The following CTNNA3 variants were observed in gnomAD, a reference collection of about 807,000 sequenced individuals.
The protein encoded by CTNNA3 is catenin alpha-3.
CTNNA3 carries 76 observed loss-of-function variants against 95.7 expected under a neutral mutation model. The ratio of observed to expected loss-of-function variants is 0.79; its 90% CI spans 0.66 to 0.96. CTNNA3 has a LOEUF of 0.96. Among genes scored for constraint, CTNNA3 ranks in the 40% least tolerant of loss-of-function variants. The pLI, the probability that CTNNA3 is intolerant of heterozygous loss-of-function variation, is 0.00. For synonymous variants in CTNNA3, 431 were observed against 374.4 expected, an observed-to-expected ratio of 1.15 and a Z score of -1.74; for missense variants, 1,191 against 1,089.8, an observed-to-expected ratio of 1.09 and a Z score of -1.31.
At chr10:67,160,724 C>G (rs969429176) in intron 7 of CTNNA3, among the ~76,000 whole-genome samples, 2 of 152,146 alleles carry the variant, frequency 1.3e-5, no homozygotes, top group Non-Finnish European at 2.9e-5. Flanking sequence ...GTGTGAGCCA[C>G]TGTGCTCGGC....
intron 3 of CTNNA3, among the ~76,000 whole-genome samples, chr10:67,580,236 G>C (rs2133315903): frequency 6.6e-6 from 1 of 152,280 alleles, no homozygotes; most frequent in African/African-American, 2.4e-5. Context: ...TTTTGTATAA[G>C]GTGTAAGGAA....
At chr10:66,973,565 A>G (rs1044630618) in intron 7 of CTNNA3, among the ~76,000 whole-genome samples, 3 of 152,230 alleles carry the variant, frequency 2.0e-5, no homozygotes, top group African/African-American at 7.2e-5. Context: ...TTAGCAATAT[A>G]TAATTTATTT....
intron 1 of CTNNA3, among the ~76,000 whole-genome samples, chr10:67,662,066 A>G (rs1840205967): frequency 2.0e-5 from 3 of 152,198 alleles, no homozygotes; most frequent in African/African-American, 7.2e-5. Context: ...ACTTATGTCC[A>G]TATAGATACC....
chr10:66,853,406 T>C (rs780331087), intron 7 of CTNNA3, among the ~76,000 whole-genome samples: 1 of 152,126 alleles, frequency 6.6e-6, no homozygotes, highest in Non-Finnish European at 1.5e-5. Context: ...AATTAGTCAA[T>C]TGGAACATTC....
At chr10:67,002,053 A>G (rs1221382462) in intron 7 of CTNNA3, among the ~76,000 whole-genome samples, 2 of 152,176 alleles carry the variant, frequency 1.3e-5, no homozygotes, top group Non-Finnish European at 2.9e-5. Flanking sequence ...GACCATACTC[A>G]AGCTTTATTA....
chr10:67,668,832 CTTTTTTTTTTTT>C lies in CTNNA3; in HGVS notation c.-5-21326_-5-21315del, dbSNP rs869150567. 6.7e-5 allele frequency among the ~76,000 whole-genome samples: 6 copies of C among 90,088 alleles called. No homozygotes were observed. The South Asian group carries it at 1.2e-3, about 18-fold the overall frequency. The allele number at this position is 90,088 out of a possible 152,430, so 59.1% of individuals were successfully genotyped here. A position where few individuals can be genotyped will look rare whatever the true frequency, so the allele number is the denominator to read the frequency against. ...CACAGATAAGGGGCCTACTGTGTTT[CTTTTTTTTTTTT>C]TTTTTTTTTTTTGAGACGGAGTCTC... On this transcript the variant is annotated intron_variant, in intron 1 of 17. Transcript: ENST00000433211.
At chr10:67,343,862 C>T (rs1842308332) in intron 5 of CTNNA3, among the ~76,000 whole-genome samples, 1 of 150,438 alleles carries the variant, frequency 6.6e-6, no homozygotes, top group Non-Finnish European at 1.5e-5. Context: ...ATTTTTTCTC[C>T]ATTCTATATG....
chr10:66,546,922 G>A (rs1192549086), intron 10 of CTNNA3, among the ~76,000 whole-genome samples: 2 of 152,112 alleles, frequency 1.3e-5, no homozygotes, highest in Non-Finnish European at 2.9e-5. Context: ...CTTTGTTTCT[G>A]TCAGAGTAGA....
chr10:66,095,443 T>C (rs2081354744), intron 14 of CTNNA3, among the ~76,000 whole-genome samples: 1 of 152,142 alleles, frequency 6.6e-6, no homozygotes, highest in South Asian at 2.1e-4. Flanking sequence ...TTTTTTATAA[T>C]AAGCCAAATT....
intron 11 of CTNNA3, among the ~76,000 whole-genome samples, chr10:66,488,279 G>A (rs1839807757): frequency 1.3e-5 from 2 of 152,078 alleles, no homozygotes; most frequent in East Asian, 3.9e-4. Context: ...TTAGCGATAA[G>A]AACCTAGAAA....
intron 12 of CTNNA3, among the ~76,000 whole-genome samples, chr10:66,284,708 C>T (rs2091555130): frequency 6.6e-6 from 1 of 151,750 alleles, no homozygotes; most frequent in Non-Finnish European, 1.5e-5. Context: ...ATGATATCAC[C>T]AAATTGTTTT....
intron 7 of CTNNA3, among the ~76,000 whole-genome samples, chr10:67,058,434 C>T (rs908602753): frequency 1.3e-4 from 20 of 152,184 alleles, no homozygotes; most frequent in African/African-American, 4.6e-4. Context: ...TAAATCACTA[C>T]TTTAAAACAA....
rs529843918 is a variant in CTNNA3, at chr10:66,090,789, G to A, written c.1977+12368C>T. On this transcript the variant is annotated intron_variant, in intron 14 of 17. Coordinates refer to ENST00000433211, the MANE Select transcript of CTNNA3 (RefSeq NM_013266.4). ...CTGTTCATATTTACATGGGATTTTA[G>A]CCAAGCTTTAGATGTTTAGAGTGCT... is the stretch of plus-strand genomic sequence containing the variant. Among the ~76,000 whole-genome samples the A allele has an allele frequency of 7.2e-5, 11 of 152,026 alleles. No homozygotes were observed. In the South Asian group the frequency reaches 2.1e-3, roughly 29 times the overall value.
chr10:67,223,946 T>C (rs1864775153), intron 5 of CTNNA3, among the ~76,000 whole-genome samples: 1 of 152,222 alleles, frequency 6.6e-6, no homozygotes. Flanking sequence ...TTTCCAGCTT[T>C]ATTGAGGTAC....
intron 5 of CTNNA3, among the ~76,000 whole-genome samples, chr10:67,501,557 T>C (rs1839233840): frequency 6.6e-6 from 1 of 152,196 alleles, no homozygotes; most frequent in South Asian, 2.1e-4. Flanking sequence ...CTGAAGAGTG[T>C]TTTCCAACTT....
chr10:67,235,321 G>C (rs370213646), intron 5 of CTNNA3, among the ~76,000 whole-genome samples: 1 of 151,948 alleles, frequency 6.6e-6, no homozygotes, highest in African/African-American at 2.4e-5. Flanking sequence ...CAGAGATATA[G>C]ATCAATGGAA....
At chr10:66,981,194 G>A (rs117179380) in intron 7 of CTNNA3, among the ~76,000 whole-genome samples, 4,916 of 152,232 alleles carry the variant, frequency 0.032, 98 homozygotes, top group Non-Finnish European at 0.048. Context: ...GTGAGCCACC[G>A]CGCCCAGCCA....
chr10:66,043,516 T>C (rs1197444067), intron 15 of CTNNA3, among the ~76,000 whole-genome samples: 1 of 152,156 alleles, frequency 6.6e-6, no homozygotes, highest in East Asian at 1.9e-4. Context: ...AGATTTGAAA[T>C]ATATACTGTC....
At chr10:66,888,105 A>T (rs1025587728) in intron 7 of CTNNA3, among the ~76,000 whole-genome samples, 3 of 152,146 alleles carry the variant, frequency 2.0e-5, no homozygotes, top group African/African-American at 7.2e-5. Flanking sequence ...TCAGAGAAAG[A>T]TGTGACTATA....
Sources: gnomAD v4.1 joint callset for allele counts (sites outside exome capture counted in the v4.1 genomes callset) on GRCh38, gnomAD v4.1.1 for gene constraint, MANE v1.5 for transcripts, NCBI Gene and HGNC (gene_info 2026-07-23, HGNC 2026-07-21) for gene names.